The following ELAPOR1 variants were observed in gnomAD, a reference collection of about 807,000 sequenced individuals.
The protein encoded by ELAPOR1 is endosome/lysosome-associated apoptosis and autophagy regulator 1.
A neutral mutation model predicts 119.7 loss-of-function variants in ELAPOR1; 77 were observed. The observed-to-expected ratio is 0.64, with a 90% CI of 0.54 to 0.78. The LOEUF (loss-of-function observed/expected upper bound fraction) is 0.78, where lower values mean the gene tolerates loss of function less well. Ranked by LOEUF, ELAPOR1 falls within the 30% of genes least tolerant of loss-of-function variation. The pLI is 0.00. For synonymous variants in ELAPOR1, 481 were observed against 487.2 expected (o/e 0.99, Z 0.17); for missense variants, 1,115 against 1,270.4 (o/e 0.88, Z 1.86).
chr1:109,127,862 C>A (rs910962761), intron 1 of ELAPOR1, among the ~76,000 whole-genome samples: 2 of 150,122 alleles, frequency 1.3e-5, no homozygotes, highest in Non-Finnish European at 3.0e-5. Flanking sequence ...CTGCACCCGG[C>A]CTGCTTTTTT....
chr1:109,159,899 A>T (rs559568128), intron 1 of ELAPOR1, among the ~76,000 whole-genome samples: 1 of 152,224 alleles, frequency 6.6e-6, no homozygotes, highest in South Asian at 2.1e-4. Flanking sequence ...TTTAATTTAT[A>T]CACAGTGGAT....
At chr1:109,144,053 A>ATTTTTTTTTTTT (rs869275387) in intron 1 of ELAPOR1, among the ~76,000 whole-genome samples, 1 of 89,792 alleles carries the variant, frequency 1.1e-5, no homozygotes, top group African/African-American at 5.3e-5. Flanking sequence ...ATATATATAT[A>ATTTTTTTTTTTT]TTTATATATT....
chr1:109,150,334 G>A (rs1319277380), intron 1 of ELAPOR1, among the ~76,000 whole-genome samples: 1 of 152,226 alleles, frequency 6.6e-6, no homozygotes, highest in Non-Finnish European at 1.5e-5. Context: ...AGAAAGGGCA[G>A]TGTAAGGCCA....
intron 1 of ELAPOR1, among the ~76,000 whole-genome samples, chr1:109,148,421 G>A (rs1044377138): frequency 1.6e-4 from 24 of 152,208 alleles, no homozygotes; most frequent in Non-Finnish European, 3.1e-4. Flanking sequence ...TTACAGGCGT[G>A]AGCCACTGTG....
chr1:109,190,667 G>T (rs868188984), intron 11 of ELAPOR1, among the ~76,000 whole-genome samples: 8 of 151,984 alleles, frequency 5.3e-5, no homozygotes, highest in South Asian at 2.1e-4. Context: ...GGCTTTTTTT[G>T]GAATAACATT....
chr1:109,172,750 C>T (rs1428186081), intron 5 of ELAPOR1, among the ~76,000 whole-genome samples, 182 bp downstream of exon 5: 1 of 152,156 alleles, frequency 6.6e-6, no homozygotes, highest in Non-Finnish European at 1.5e-5. Context: ...TGTGAGCTGA[C>T]TTGTAGCTTC....
chr1:109,164,437 C>A, intron 2 of ELAPOR1, 62 bp from the exon 3 acceptor site: 1 of 1,458,546 alleles, frequency 6.9e-7, no homozygotes, highest in South Asian at 1.3e-5. Context: ...TGCTCGCAGC[C>A]CATTCACTTC....
chr1:109,131,443 G>A (rs1017362342), intron 1 of ELAPOR1, among the ~76,000 whole-genome samples: 3 of 152,138 alleles, frequency 2.0e-5, no homozygotes, highest in African/African-American at 4.8e-5. Flanking sequence ...TATAATGAAA[G>A]CATCCATTCC....
chr1:109,134,658 TG>T, intron 1 of ELAPOR1, among the ~76,000 whole-genome samples: 1 of 152,212 alleles, frequency 6.6e-6, no homozygotes. Flanking sequence ...GTTTCTTTCC[TG>T]CTTGTGTAGA....
At chr1:109,168,817 T>G (rs1651754889) in intron 3 of ELAPOR1, among the ~76,000 whole-genome samples, 1 of 152,140 alleles carries the variant, frequency 6.6e-6, no homozygotes, top group Non-Finnish European at 1.5e-5. Context: ...ACTCTTATAG[T>G]TGAGGTAAGG....
rs560031449 is a variant in ELAPOR1 at position 109,186,082 on chromosome 1, A to G, written c.1041+949A>G. ...GTAGTAAGTGGTAGGAAGGAAAAAA[A>G]AAAACCAGGATTAGGAGAGAGAGAA... On this transcript the variant is annotated intron_variant, in intron 8 of 21. Transcript: ENST00000369939. Among the ~76,000 whole-genome samples the G allele has an allele frequency of 4.6e-5, 7 of 152,160 alleles. No homozygotes were observed. The South Asian group carries it at 1.5e-3, about 32-fold the overall frequency.
intron 1 of ELAPOR1, among the ~76,000 whole-genome samples, chr1:109,140,665 A>G (rs999207916): frequency 6.6e-6 from 1 of 152,164 alleles, no homozygotes; most frequent in Non-Finnish European, 1.5e-5. Flanking sequence ...TAGAAAATAG[A>G]TAGATCTCAG....
At chr1:109,184,326 G>A (rs750606066) in intron 7 of ELAPOR1, among the ~76,000 whole-genome samples, 22 of 152,210 alleles carry the variant, frequency 1.4e-4, no homozygotes, top group Middle Eastern at 3.4e-3. Context: ...AGCCAAGATC[G>A]TGCCACTGCA....
At chr1:109,114,704 A>G (rs747687786) in intron 1 of ELAPOR1, among the ~76,000 whole-genome samples, 6 of 152,194 alleles carry the variant, frequency 3.9e-5, no homozygotes, top group Non-Finnish European at 8.8e-5. Context: ...AGAGAAGCAA[A>G]ATAGGAAGAG....
At chr1:109,115,265 A>G (rs568011568) in intron 1 of ELAPOR1, among the ~76,000 whole-genome samples, 1 of 152,286 alleles carries the variant, frequency 6.6e-6, no homozygotes, top group South Asian at 2.1e-4. Context: ...GGCAACAATA[A>G]GATATTTACA....
In ELAPOR1 at chr1:109,197,605, C is replaced by T; in HGVS notation, c.2253C>T (p.Tyr751=). ...TCATCCCCCCAGAGGTGACAGGCTA[C>T]AAGGCCGGGGTTTCCTCACAGCCTG... ...AVIIPPEVTG[Y]KAGVSSQPVS... Residue 751 remains tyrosine (Y), a synonymous_variant, in exon 16 of 22, where the codon TAC becomes TAT. Coordinates refer to ENST00000369939, the MANE Select transcript of ELAPOR1 (RefSeq NM_020775.5). The T allele has an allele frequency of 1.2e-6, 2 of 1,614,202 alleles. No homozygotes were observed. The highest frequency in any genetic ancestry group is 8.5e-7 in the Non-Finnish European group (1 of 1,180,042).
chr1:109,143,757 C>T (rs902343729), intron 1 of ELAPOR1, among the ~76,000 whole-genome samples: 4 of 151,858 alleles, frequency 2.6e-5, no homozygotes, highest in African/African-American at 7.3e-5. Context: ...GCAGCCTTGA[C>T]CTCCCAGGCT....
At chr1:109,176,610 T>C (rs576789685) in intron 7 of ELAPOR1, among the ~76,000 whole-genome samples, 49 of 149,494 alleles carry the variant, frequency 3.3e-4, no homozygotes, top group East Asian at 2.3e-3. Context: ...TTTTTTCTTT[T>C]TTTTTTTTTT....
Position 109,199,942 on chromosome 1 carries a change from T to C in ELAPOR1, c.2590T>C (p.Tyr864His), listed in dbSNP as rs771509891. 6.2e-7 allele frequency: 1 copy of C among 1,614,026 alleles called. No homozygotes were observed. The highest frequency in any genetic ancestry group is 8.5e-7 in the Non-Finnish European group (1 of 1,180,044). The change falls in exon 19 of 22, where the codon TAC (tyrosine) becomes CAC (histidine). Residue 864 changes from tyrosine to histidine, a missense_variant. Transcript: ENST00000369939. ...TTGCCCGCTCTGCTCAGTGGCTGAC[T>C]ACCATGCTATCGTCAGCAGCTGTGT... ...AACPLCSVAD[Y>H]HAIVSSCVAG...
Sources: allele counts gnomAD v4.1 joint callset (sites outside exome capture counted in the v4.1 genomes callset), GRCh38; gene constraint gnomAD v4.1.1; transcripts MANE v1.5; gene names NCBI Gene and HGNC (gene_info 2026-07-23, HGNC 2026-07-21).